Variants in DNAH5 observed in about 807,000 individuals in gnomAD.
The protein encoded by DNAH5 is dynein axonemal heavy chain 5, also known as axonemal beta dynein heavy chain 5.
DNAH5 carries 372 observed loss-of-function variants against 518.2 expected under a neutral mutation model. The ratio of observed to expected loss-of-function variants is 0.72; its 90% CI spans 0.66 to 0.78. The LOEUF is 0.78. Among genes scored for constraint, DNAH5 ranks in the 30% least tolerant of loss-of-function variants. The probability of loss-of-function intolerance (pLI) is 0.00; values close to 1 mark genes in which losing one functional copy is unlikely to be tolerated. For synonymous variants in DNAH5, 2,039 were observed against 2,025.9 expected (o/e 1.01, Z -0.17); for missense variants, 5,523 against 5,687.0 (o/e 0.97, Z 0.93).
At chr5:13,736,409 G>T (rs11133761) in intron 66 of DNAH5, among the ~76,000 whole-genome samples, 95,760 of 151,774 alleles carry the variant, frequency 0.63, 30,694 homozygotes, top group African/African-American at 0.75. Context: ...TTATTATTTT[G>T]TTGATACGGA....
chr5:13,858,007 T>C (rs975061571), intron 30 of DNAH5, among the ~76,000 whole-genome samples: 2 of 151,854 alleles, frequency 1.3e-5, no homozygotes, highest in African/African-American at 2.4e-5. Flanking sequence ...CAAAACAGTG[T>C]GGTGATTCCT....
chr5:13,722,414 G>A (rs1392806954), intron 70 of DNAH5, among the ~76,000 whole-genome samples: 2 of 152,202 alleles, frequency 1.3e-5, no homozygotes, highest in African/African-American at 4.8e-5. Context: ...TTTCCCACTT[G>A]TGTTTGCCCT....
At chr5:13,970,867 C>G (rs1781815333) in intron 1 of DNAH5, among the ~76,000 whole-genome samples, 1 of 152,110 alleles carries the variant, frequency 6.6e-6, no homozygotes, top group African/African-American at 2.4e-5. Context: ...CTCAACTATT[C>G]CCCCAAATAT....
At chr5:13,906,774 TCAA>T (rs1403364899) in intron 12 of DNAH5, among the ~76,000 whole-genome samples, 2 of 152,054 alleles carry the variant, frequency 1.3e-5, no homozygotes, top group African/African-American at 4.8e-5. Flanking sequence ...TACTTTAAAC[TCAA>T]CAACAACATA....
At chr5:13,735,624 T>C (rs1306298487) in intron 67 of DNAH5, among the ~76,000 whole-genome samples, 194 bp downstream of exon 67, 1 of 152,184 alleles carries the variant, frequency 6.6e-6, no homozygotes, top group African/African-American at 2.4e-5. Context: ...AATGGATAAA[T>C]AGTTGGTAGA....
At chr5:13,829,917 T>C in intron 37 of DNAH5, 109 bp downstream of exon 37, 8 of 491,264 alleles carry the variant, frequency 1.6e-5, no homozygotes, top group Non-Finnish European at 2.3e-5. Context: ...GGAGGTAAAG[T>C]TACAATCCCA....
intron 12 of DNAH5, among the ~76,000 whole-genome samples, chr5:13,906,577 G>A (rs572478285): frequency 3.9e-5 from 6 of 152,118 alleles, no homozygotes; most frequent in East Asian, 1.9e-4. Context: ...TCTTAACTAC[G>A]AACTAGGCCA....
chr5:13,821,793 A>G (rs972816741), intron 40 of DNAH5, among the ~76,000 whole-genome samples: 16 of 151,936 alleles, frequency 1.1e-4, no homozygotes, highest in Non-Finnish European at 5.9e-5. Context: ...GCTTTTTTAT[A>G]TTTTTATATA....
intron 64 of DNAH5, among the ~76,000 whole-genome samples, chr5:13,751,787 T>C (rs1750270346): frequency 6.6e-6 from 1 of 151,986 alleles, no homozygotes. Context: ...GGACAGGGGA[T>C]TGCATGGTTT....
chr5:13,873,571 C>G (rs1387483071), intron 22 of DNAH5, among the ~76,000 whole-genome samples: 1 of 152,036 alleles, frequency 6.6e-6, no homozygotes, highest in Admixed American at 6.6e-5. Flanking sequence ...GCCACAATTT[C>G]TTTTTTAGAT....
At chr5:14,003,799 G>A (rs765773061) in intron 1 of DNAH5, among the ~76,000 whole-genome samples, 2 of 152,234 alleles carry the variant, frequency 1.3e-5, no homozygotes, top group Non-Finnish European at 2.9e-5. Context: ...CATGAAAGCA[G>A]CCCACTGCCC....
chr5:13,747,137 TG>T (rs1749480875), intron 65 of DNAH5, among the ~76,000 whole-genome samples: 1 of 149,652 alleles, frequency 6.7e-6, no homozygotes, highest in Non-Finnish European at 1.5e-5. Context: ...GAACATGCGG[TG>T]TTTGGTTTTT....
chr5:13,809,008 A>C, intron 46 of DNAH5, 36 bp downstream of exon 46: 1 of 1,611,294 alleles, frequency 6.2e-7, no homozygotes, highest in Non-Finnish European at 8.5e-7. Flanking sequence ...TCTCCCCTTA[A>C]AATATGCTAC....
chr5:13,879,709 GA>G (rs141203219), intron 21 of DNAH5, among the ~76,000 whole-genome samples: 2 of 148,820 alleles, frequency 1.3e-5, no homozygotes, highest in African/African-American at 2.5e-5. Context: ...AGCAGAAGTA[GA>G]AAAAAAAACA....
At chr5:13,870,192 A>G (rs557495513) in intron 24 of DNAH5, among the ~76,000 whole-genome samples, 2 of 152,260 alleles carry the variant, frequency 1.3e-5, no homozygotes, top group South Asian at 4.2e-4. Context: ...GAAATGAGTT[A>G]CTGCATATAT....
chr5:13,707,394 C>A lies in DNAH5; in HGVS notation c.13338+729G>T, dbSNP rs1362123297. On this transcript the variant is annotated intron_variant, in intron 76 of 78. Coordinates refer to ENST00000265104, the MANE Select transcript of DNAH5 (RefSeq NM_001369.3). This position sits in a 1 kb window ranked among gnomAD's most constrained non-coding sequence, Gnocchi z 4.0. ...AAGAACCCAGGAAACAGAAAGCCCT[C>A]TGTCCTTGCGATAAAGAGGGTCTAA... 6.6e-6 allele frequency among the ~76,000 whole-genome samples: 1 copy of A among 152,212 alleles called. No homozygotes were observed. Among genetic ancestry groups the A allele is most frequent in the Non-Finnish European group, 1.5e-5 (1 of 68,042 alleles).
At chr5:13,815,201 A>G (rs369300690) in intron 42 of DNAH5, among the ~76,000 whole-genome samples, 56 of 152,356 alleles carry the variant, frequency 3.7e-4, no homozygotes, top group African/African-American at 8.7e-4. Flanking sequence ...GCAAACAAAT[A>G]AAAGTTTAAC....
In DNAH5 at chr5:13,820,624, A is replaced by T. The variant is rs1341500624; in HGVS notation, c.6688-125T>A. The T allele has an allele frequency of 4.5e-6, 5 of 1,098,910 alleles. No homozygotes were observed. In the African/African-American group the frequency reaches 6.2e-5, roughly 14 times the overall value. The allele number at this position is 1,098,910 out of a possible 1,614,324, so 68.1% of individuals were successfully genotyped here. On this transcript the variant is annotated intron_variant, in intron 40 of 78. Transcript: ENST00000265104. ...CAGATCACAAGGTCAGGAGTTCAAG[A>T]CCAGCCAGGCCAACATGGTGAAACC...
intron 1 of DNAH5, among the ~76,000 whole-genome samples, chr5:13,981,049 C>G (rs1213448841): frequency 6.6e-6 from 1 of 152,200 alleles, no homozygotes; most frequent in Non-Finnish European, 1.5e-5. Flanking sequence ...TGACTCCCAC[C>G]CACTCTCTGC....
Sources: allele counts gnomAD v4.1 joint callset (sites outside exome capture counted in the v4.1 genomes callset), GRCh38; gene constraint gnomAD v4.1.1; non-coding constraint Gnocchi (gnomAD v3.1); transcripts MANE v1.5; gene names NCBI Gene and HGNC (gene_info 2026-07-23, HGNC 2026-07-21).